Variants in TBCK observed in about 807,000 individuals in gnomAD.
TBCK encodes the protein TBC1 domain containing kinase.
A neutral mutation model predicts 113.4 loss-of-function variants in TBCK; 99 were observed. The observed-to-expected ratio is 0.87, with a 90% CI of 0.74 to 1.03. The LOEUF (loss-of-function observed/expected upper bound fraction) is 1.03, where lower values mean the gene tolerates loss of function less well. Among genes scored for constraint, TBCK ranks in the 50% least tolerant of loss-of-function variants. The probability of loss-of-function intolerance (pLI) is 0.00; values close to 1 mark genes in which losing one functional copy is unlikely to be tolerated. For synonymous variants in TBCK, 369 were observed against 370.8 expected (o/e 1.00, Z 0.05); for missense variants, 1,045 against 1,061.3 (o/e 0.98, Z 0.21).
At chr4:106,106,811 G>T (rs1274412302) in intron 24 of TBCK, among the ~76,000 whole-genome samples, 1 of 151,922 alleles carries the variant, frequency 6.6e-6, no homozygotes, top group Non-Finnish European at 1.5e-5. Flanking sequence ...GAATGTAAAG[G>T]GTGAAAATAC....
chr4:106,183,839 A>G (rs1752691237), intron 22 of TBCK, among the ~76,000 whole-genome samples: 1 of 152,042 alleles, frequency 6.6e-6, no homozygotes, highest in African/African-American at 2.4e-5. Context: ...TCTCACTGAC[A>G]CCATTAGTAA....
chr4:106,163,823 C>T (rs766114588), intron 23 of TBCK, among the ~76,000 whole-genome samples: 16 of 152,106 alleles, frequency 1.1e-4, no homozygotes, highest in Non-Finnish European at 2.1e-4. Flanking sequence ...GGTGGGAACA[C>T]AGTCAAACCA....
intron 25 of TBCK, 36 bp from the exon 26 acceptor site, chr4:106,046,716 T>A: frequency 9.2e-7 from 1 of 1,091,456 alleles, no homozygotes; most frequent in Non-Finnish European, 1.4e-6. Context: ...TTAGAGGATA[T>A]ACAGAAGACA....
At chr4:106,091,543 G>A (rs979750336) in intron 25 of TBCK, among the ~76,000 whole-genome samples, 1 of 152,104 alleles carries the variant, frequency 6.6e-6, no homozygotes, top group Non-Finnish European at 1.5e-5. Flanking sequence ...TGGTGGGTTC[G>A]TGGTCTCGCT....
At chr4:106,269,192 G>C (rs1763259479) in intron 3 of TBCK, among the ~76,000 whole-genome samples, 1 of 152,048 alleles carries the variant, frequency 6.6e-6, no homozygotes, top group Non-Finnish European at 1.5e-5. Context: ...TTAAGAAATG[G>C]AGAGGAAAAA....
At chr4:106,264,413 GCTCACAAAAGT>G (rs59027185) in intron 3 of TBCK, among the ~76,000 whole-genome samples, 90,063 of 151,490 alleles carry the variant, frequency 0.59, 27,073 homozygotes, top group Non-Finnish European at 0.64. Flanking sequence ...AAAGTCAGCA[GCTCACAAAAGT>G]GTATTCAGTG....
intron 20 of TBCK, 108 bp from the exon 21 acceptor site, chr4:106,194,862 C>G: frequency 2.0e-6 from 2 of 1,024,012 alleles, no homozygotes; most frequent in South Asian, 3.2e-5. Context: ...ATGTTTTGGT[C>G]TACTTTATTG....
intron 19 of TBCK, 90 bp downstream of exon 19, chr4:106,230,273 G>A (rs1579325692): frequency 1.3e-6 from 1 of 767,294 alleles, no homozygotes; most frequent in Non-Finnish European, 2.0e-6. Flanking sequence ...TATTTTTGGG[G>A]TCAAAATCTT....
chr4:106,158,503 T>G (rs1045823854), intron 23 of TBCK, among the ~76,000 whole-genome samples: 1 of 152,200 alleles, frequency 6.6e-6, no homozygotes, highest in Non-Finnish European at 1.5e-5. Context: ...TTTGATTGAC[T>G]AAATTTGGAA....
intron 25 of TBCK, among the ~76,000 whole-genome samples, chr4:106,089,271 C>T (rs1397816947): frequency 2.0e-5 from 3 of 152,012 alleles, no homozygotes; most frequent in Admixed American, 6.5e-5. Flanking sequence ...CATGAATTAG[C>T]AGAGCAAGAA....
intron 22 of TBCK, among the ~76,000 whole-genome samples, chr4:106,181,424 T>C (rs929805140): frequency 6.6e-6 from 1 of 152,222 alleles, no homozygotes; most frequent in African/African-American, 2.4e-5. Flanking sequence ...TTTGGTGTTT[T>C]AGACATGAAG....
In TBCK at chr4:106,121,502, C is replaced by T. The variant is rs528626328; in HGVS notation, c.2236-5124G>A. On this transcript the variant is annotated intron_variant, in intron 23 of 25. Coordinates refer to ENST00000394708, the MANE Select transcript of TBCK (RefSeq NM_001163435.3). Reference sequence around the variant, plus strand: ...TCAACAAGGATACCCAGGAATTGAACTCAGCTCTGCACCAAGCAGACCTAA... The same window carrying T: ...TCAACAAGGATACCCAGGAATTGAATTCAGCTCTGCACCAAGCAGACCTAA... Among the ~76,000 whole-genome samples, 728 of 150,580 alleles carry T rather than the reference C, an allele frequency of 4.8e-3. 3 individuals carry two copies. The highest frequency in any genetic ancestry group is 0.017 in the African/African-American group (701 of 40,822).
chr4:106,099,273 G>GT (rs1404828791), intron 24 of TBCK, among the ~76,000 whole-genome samples: 6 of 152,150 alleles, frequency 3.9e-5, no homozygotes, highest in South Asian at 2.1e-4. Context: ...ACCAGCTCAT[G>GT]TTTTTTTACA....
In TBCK at chr4:106,159,034, GA is replaced by G. The variant is rs548487951; in HGVS notation, c.2235+12060del. On this transcript the variant is annotated intron_variant, in intron 23 of 25. Transcript: ENST00000394708. ...ATACATTACATTAACAGAATGGAGA[GA>G]AAAAAAAAAAACAACCACATGATCA... Among the ~76,000 whole-genome samples, 273 of 113,490 alleles carry G rather than the reference GA, an allele frequency of 2.4e-3. 2 individuals are homozygous for G. The highest frequency in any genetic ancestry group is 6.8e-3 in the African/African-American group (209 of 30,738). 74.5% of individuals were successfully genotyped at this position (113,490 alleles called of 152,430 possible). A position where few individuals can be genotyped will look rare whatever the true frequency, so the allele number is the denominator to read the frequency against.
intron 24 of TBCK, among the ~76,000 whole-genome samples, chr4:106,100,111 C>T (rs1741377630): frequency 6.6e-6 from 1 of 152,178 alleles, no homozygotes; most frequent in Non-Finnish European, 1.5e-5. Flanking sequence ...GAAAGTTTCC[C>T]TTCCCACAGT....
chr4:106,093,214 A>G (rs1286224092), intron 25 of TBCK, among the ~76,000 whole-genome samples: 1 of 152,172 alleles, frequency 6.6e-6, no homozygotes, highest in Non-Finnish European at 1.5e-5. Context: ...TTAGTGTCAA[A>G]AGTTAATCCT....
At chr4:106,049,441 AT>A (rs1269620425) in intron 25 of TBCK, among the ~76,000 whole-genome samples, 1 of 151,986 alleles carries the variant, frequency 6.6e-6, no homozygotes. Context: ...GAGAATCCAG[AT>A]GAGATGGCCA....
chr4:106,254,002 T>C (rs905892017), intron 5 of TBCK, among the ~76,000 whole-genome samples: 19 of 152,214 alleles, frequency 1.2e-4, no homozygotes, highest in Admixed American at 1.0e-3. Context: ...TCACACAGAA[T>C]ACATTCTTCT....
intron 3 of TBCK, among the ~76,000 whole-genome samples, chr4:106,281,918 T>A (rs1006757416): frequency 2.6e-5 from 4 of 152,130 alleles, no homozygotes; most frequent in African/African-American, 9.7e-5. Flanking sequence ...ATTGGCCTCG[T>A]AGAATGAGCT....
Sources: gnomAD v4.1 joint callset for allele counts (sites outside exome capture counted in the v4.1 genomes callset) on GRCh38, gnomAD v4.1.1 for gene constraint, MANE v1.5 for transcripts, NCBI Gene and HGNC (gene_info 2026-07-23, HGNC 2026-07-21) for gene names.